The following DSCAM variants were observed in gnomAD, a reference collection of about 807,000 sequenced individuals.
The protein encoded by DSCAM is cell adhesion molecule DSCAM.
A neutral mutation model predicts 217.7 loss-of-function variants in DSCAM; 47 were observed. That is an observed-to-expected ratio of 0.22 (90% CI 0.17 to 0.28). DSCAM has a LOEUF of 0.28. Ranked by LOEUF, DSCAM falls within the 10% of genes least tolerant of loss-of-function variation. The probability of loss-of-function intolerance (pLI) is 1.00; values close to 1 mark genes in which losing one functional copy is unlikely to be tolerated. For missense variants in DSCAM, 2,080 were observed against 2,618.3 expected, an observed-to-expected ratio of 0.79 and a Z score of 4.49; for synonymous variants, 1,056 against 1,015.3, an observed-to-expected ratio of 1.04 and a Z score of -0.76.
At chr21:40,491,010 A>G (rs1287612805) in intron 3 of DSCAM, among the ~76,000 whole-genome samples, 1 of 152,222 alleles carries the variant, frequency 6.6e-6, no homozygotes, top group Non-Finnish European at 1.5e-5. Context: ...GAATTCAAAC[A>G]TAAAACTTCA....
chr21:40,828,018 G>T (rs1056460627), intron 1 of DSCAM, among the ~76,000 whole-genome samples: 2 of 152,180 alleles, frequency 1.3e-5, no homozygotes, highest in Non-Finnish European at 2.9e-5. Flanking sequence ...GGTGGTGGTT[G>T]TTAGTACGTT....
At chr21:40,060,078 T>C (rs899097108) in intron 28 of DSCAM, among the ~76,000 whole-genome samples, 1 of 152,230 alleles carries the variant, frequency 6.6e-6, no homozygotes, top group East Asian at 1.9e-4. Flanking sequence ...CAAATCCACC[T>C]ATTGGAGGAG....
At chr21:40,124,058 G>C in intron 20 of DSCAM, 137 bp downstream of exon 20, 1 of 1,165,804 alleles carries the variant, frequency 8.6e-7, no homozygotes. Context: ...TTTGTATGTG[G>C]AGACAGCAGG....
intron 11 of DSCAM, 55 bp downstream of exon 11, chr21:40,276,042 C>A (rs1005028306): frequency 1.5e-5 from 22 of 1,459,002 alleles, no homozygotes; most frequent in Non-Finnish European, 1.8e-5. Flanking sequence ...AAAAGGAAGC[C>A]CCCAGAGACC....
At chr21:40,513,383 T>C (rs1373234609) in intron 3 of DSCAM, 1 of 152,242 alleles carries the variant, frequency 6.6e-6, no homozygotes, top group Non-Finnish European at 1.5e-5. Context: ...TTGGTGCTGC[T>C]GTAAGGGAAT....
intron 11 of DSCAM, among the ~76,000 whole-genome samples, chr21:40,273,610 C>G (rs2073647982): frequency 6.6e-6 from 1 of 152,186 alleles, no homozygotes; most frequent in African/African-American, 2.4e-5. Context: ...TAAGACCGAA[C>G]TCAGATGCTG....
chr21:40,196,931 C>T (rs2091016541), intron 11 of DSCAM, among the ~76,000 whole-genome samples: 1 of 152,136 alleles, frequency 6.6e-6, no homozygotes, highest in Non-Finnish European at 1.5e-5. Context: ...GACACATAGA[C>T]AAAACATTTC....
At chr21:40,271,096 C>T (rs1404991720) in intron 11 of DSCAM, among the ~76,000 whole-genome samples, 1 of 152,218 alleles carries the variant, frequency 6.6e-6, no homozygotes, top group African/African-American at 2.4e-5. Flanking sequence ...ACGGTCAGGT[C>T]AGAGCTGAGT....
intron 3 of DSCAM, among the ~76,000 whole-genome samples, chr21:40,564,014 G>A (rs576366106): frequency 6.6e-6 from 1 of 152,244 alleles, no homozygotes; most frequent in East Asian, 1.9e-4. Context: ...AAGGCACGCG[G>A]CTGAAAGCCC....
chr21:40,831,832 T>C (rs1285412694), intron 1 of DSCAM, among the ~76,000 whole-genome samples: 1 of 152,224 alleles, frequency 6.6e-6, no homozygotes, highest in African/African-American at 2.4e-5. Flanking sequence ...ATGGCTGACA[T>C]GGAAAAGTAA....
intron 3 of DSCAM, among the ~76,000 whole-genome samples, chr21:40,623,441 G>A (rs1408027472): frequency 6.6e-6 from 1 of 152,162 alleles, no homozygotes; most frequent in African/African-American, 2.4e-5. Context: ...CAATAAAGCA[G>A]CTTTTTAACA....
At chr21:40,117,570 G>A (rs907656046) in intron 20 of DSCAM, among the ~76,000 whole-genome samples, 1 of 152,124 alleles carries the variant, frequency 6.6e-6, no homozygotes, top group Non-Finnish European at 1.5e-5. Flanking sequence ...ATTAACTGAT[G>A]CAAAACAGTA....
chr21:40,788,698 C>A (rs2091614116), intron 1 of DSCAM, among the ~76,000 whole-genome samples: 1 of 152,300 alleles, frequency 6.6e-6, no homozygotes, highest in South Asian at 2.1e-4. Flanking sequence ...GTCTACCTCC[C>A]TAGAGAATGT....
chr21:40,033,503 G>T (rs11909861), intron 32 of DSCAM, among the ~76,000 whole-genome samples: 3 of 151,450 alleles, frequency 2.0e-5, no homozygotes, highest in Non-Finnish European at 2.9e-5. Flanking sequence ...ACTATATCCC[G>T]CACCTGGCTT....
intron 11 of DSCAM, among the ~76,000 whole-genome samples, chr21:40,231,383 T>C (rs936027024): frequency 6.6e-6 from 1 of 152,142 alleles, no homozygotes; most frequent in African/African-American, 2.4e-5. Context: ...GGTAAGCCAA[T>C]CTCTGTTGTT....
chr21:40,294,909 C>T (rs557583799), intron 10 of DSCAM, among the ~76,000 whole-genome samples: 12 of 152,200 alleles, frequency 7.9e-5, no homozygotes, highest in Non-Finnish European at 1.3e-4. Context: ...AGGGGAGTTG[C>T]TTCAGGGACT....
intron 3 of DSCAM, among the ~76,000 whole-genome samples, chr21:40,567,139 CAT>C (rs1345821564): frequency 2.0e-5 from 3 of 152,144 alleles, no homozygotes; most frequent in South Asian, 4.1e-4. Context: ...GGCTGGATTA[CAT>C]ATGTTTTTCC....
At chr21:40,676,996 T>C (rs1349794544) in intron 3 of DSCAM, among the ~76,000 whole-genome samples, 1 of 152,118 alleles carries the variant, frequency 6.6e-6, no homozygotes, top group Non-Finnish European at 1.5e-5. Flanking sequence ...GCTTTTTCAA[T>C]GATAGGGTTT....
chr21:40,678,077 A>G (rs78031438), intron 3 of DSCAM, among the ~76,000 whole-genome samples: 2,043 of 152,300 alleles, frequency 0.013, 40 homozygotes, highest in African/African-American at 0.045. Flanking sequence ...ATATTGAAGT[A>G]AAGCTCAGTT....
Sources: allele counts gnomAD v4.1 joint callset (sites outside exome capture counted in the v4.1 genomes callset), GRCh38; gene constraint gnomAD v4.1.1; transcripts MANE v1.5; gene names NCBI Gene and HGNC (gene_info 2026-07-23, HGNC 2026-07-21).